ADAM17: variants seen among roughly 807,000 people sequenced by gnomAD.
ADAM17 encodes the protein ADAM metallopeptidase domain 17.
Under a neutral mutation model 96.7 loss-of-function variants are expected in ADAM17, and 39 were observed. The observed-to-expected ratio is 0.40, with a 90% CI of 0.31 to 0.53. ADAM17 has a LOEUF of 0.53. Among genes scored for constraint, ADAM17 ranks in the 20% least tolerant of loss-of-function variants. The pLI, the probability that ADAM17 is intolerant of heterozygous loss-of-function variation, is 0.44. For missense variants in ADAM17, 777 were observed against 1,013.2 expected, an observed-to-expected ratio of 0.77 and a Z score of 3.17; for synonymous variants, 344 against 359.2, an observed-to-expected ratio of 0.96 and a Z score of 0.48.
At chr2:9,548,505 A>T (rs1444586670) in intron 1 of ADAM17, among the ~76,000 whole-genome samples, 1 of 152,080 alleles carries the variant, frequency 6.6e-6, no homozygotes, top group African/African-American at 2.4e-5. Context: ...AAGAAAACAA[A>T]ACAAGAGAGG....
At chr2:9,534,144 G>A (rs1664861384) in intron 4 of ADAM17, among the ~76,000 whole-genome samples, 1 of 152,176 alleles carries the variant, frequency 6.6e-6, no homozygotes, top group Admixed American at 6.5e-5. Flanking sequence ...GCCGAGGCTG[G>A]CAGATCATGA....
Position 9,536,771 on chromosome 2 carries a change from G to C in ADAM17, c.288C>G (p.Val96=). The change falls in exon 3 of 19, where the codon GTC becomes GTG. Residue 96 remains valine (V), a synonymous_variant. Transcript: ENST00000310823. Reference sequence around the variant, plus strand: ...TTTCGTTTTTACCATCCACCACCACGACCTTGAAATTTTGTGAAAAACGTT... The same window carrying C: ...TTTCGTTTTTACCATCCACCACCACCACCTTGAAATTTTGTGAAAAACGTT... The part of the protein sequence containing the change: ...STERFSQNFK[V]VVVDGKNESE... The C allele has an allele frequency of 6.2e-7, 1 of 1,613,980 alleles. No homozygotes were observed. Among genetic ancestry groups the C allele is most frequent in the Non-Finnish European group, 8.5e-7 (1 of 1,179,960 alleles).
intron 11 of ADAM17, among the ~76,000 whole-genome samples, chr2:9,508,906 TAAAAC>T (rs891844628): frequency 6.7e-6 from 1 of 150,248 alleles, no homozygotes; most frequent in African/African-American, 2.5e-5. Context: ...AGAGGAAAAA[TAAAAC>T]ATAACATGCA....
intron 17 of ADAM17, among the ~76,000 whole-genome samples, chr2:9,491,404 CTA>C (rs1662136992): frequency 6.6e-6 from 1 of 152,144 alleles, no homozygotes. Flanking sequence ...GGTTTAAGTG[CTA>C]TGTTTTCTGA....
intron 8 of ADAM17, among the ~76,000 whole-genome samples, chr2:9,520,838 C>A (rs1164992363): frequency 6.6e-6 from 1 of 151,562 alleles, no homozygotes; most frequent in South Asian, 2.1e-4. Context: ...GTGGTGCATG[C>A]CTATAATCCT....
intron 18 of ADAM17, 115 bp from the exon 19 acceptor site, chr2:9,490,633 G>C: frequency 8.8e-7 from 1 of 1,142,550 alleles, no homozygotes; most frequent in Non-Finnish European, 1.2e-6. Context: ...GTGATGCTAA[G>C]AAAAAAGTGC....
intron 6 of ADAM17, 82 bp from the exon 7 acceptor site, chr2:9,523,420 G>GA (rs1353269577): frequency 1.9e-5 from 24 of 1,256,130 alleles, no homozygotes; most frequent in Middle Eastern, 3.8e-4. Flanking sequence ...TATGGGGAAA[G>GA]AAAAAATCTC....
At chr2:9,499,592 C>T (rs1300837996) in intron 13 of ADAM17, among the ~76,000 whole-genome samples, 2 of 152,098 alleles carry the variant, frequency 1.3e-5, no homozygotes, top group Non-Finnish European at 2.9e-5. Context: ...TTAGTAGACA[C>T]AGGGTTTCAC....
intron 17 of ADAM17, among the ~76,000 whole-genome samples, chr2:9,492,002 G>C (rs1037080515): frequency 6.6e-6 from 1 of 152,212 alleles, no homozygotes; most frequent in Non-Finnish European, 1.5e-5. Flanking sequence ...TTCAGCACAA[G>C]TGCTCCCTAG....
In ADAM17 at chr2:9,523,334, T is replaced by A; in HGVS notation, c.758A>T (p.Glu253Val). 4 of 1,610,200 alleles carry A rather than the reference T, an allele frequency of 2.5e-6. No homozygotes were observed. The highest frequency in any genetic ancestry group is 3.4e-6 in the Non-Finnish European group (4 of 1,177,240). The change falls in exon 7 of 19, where the codon GAG (glutamate) becomes GTG (valine). Residue 253 changes from glutamate to valine, a missense_variant. Around this residue, in one of 3 missense-constraint regions of ADAM17, gnomAD observed 446 missense variants for 664.7 expected, o/e 0.67. Coordinates refer to ENST00000310823, the MANE Select transcript of ADAM17 (RefSeq NM_003183.6). ...EESTTTNYLIELIDRVDDIYR... is the reference protein window; with the variant it reads ...EESTTTNYLIVLIDRVDDIYR... ...GATGTCATCAACTCTGTCAATTAGC[T>A]CTATCTGTGTGTATTTAAAAAAGAA...
At chr2:9,497,029 G>A (rs1016864443) in intron 14 of ADAM17, 85 bp downstream of exon 14, 20 of 1,551,812 alleles carry the variant, frequency 1.3e-5, no homozygotes, top group South Asian at 3.7e-5. Flanking sequence ...GCTGTCATTC[G>A]CACAACCTCC....
At chr2:9,513,682 G>C (rs1663868211) in intron 10 of ADAM17, among the ~76,000 whole-genome samples, 1 of 152,048 alleles carries the variant, frequency 6.6e-6, no homozygotes, top group Non-Finnish European at 1.5e-5. Context: ...GGAAAACACA[G>C]TTTGAGAGAT....
At chr2:9,531,360 G>A (rs970369818) in intron 4 of ADAM17, among the ~76,000 whole-genome samples, 1 of 151,484 alleles carries the variant, frequency 6.6e-6, no homozygotes, top group African/African-American at 2.4e-5. Context: ...AAGGTCAGAA[G>A]TTCAAGACCA....
chr2:9,551,031 C>A (rs535387017), intron 1 of ADAM17, among the ~76,000 whole-genome samples: 17 of 150,976 alleles, frequency 1.1e-4, no homozygotes, highest in African/African-American at 4.1e-4. Flanking sequence ...GCCAAGATTG[C>A]GCCACTGCGC....
At chr2:9,549,416 A>C (rs747064494) in intron 1 of ADAM17, among the ~76,000 whole-genome samples, 1 of 152,248 alleles carries the variant, frequency 6.6e-6, no homozygotes, top group Non-Finnish European at 1.5e-5. Context: ...TTTTGTGTGT[A>C]TATCAACATA....
intron 12 of ADAM17, among the ~76,000 whole-genome samples, chr2:9,503,394 C>T (rs1663145854): frequency 6.6e-6 from 1 of 152,178 alleles, no homozygotes; most frequent in South Asian, 2.1e-4. Flanking sequence ...AACCTACTTC[C>T]TCCACACTAT....
chr2:9,537,120 A>G (rs1020744924), intron 2 of ADAM17, among the ~76,000 whole-genome samples: 1 of 152,230 alleles, frequency 6.6e-6, no homozygotes, highest in African/African-American at 2.4e-5. Flanking sequence ...AAGGAAACAC[A>G]CATGACTGCG....
chr2:9,498,227 C>T (rs1662764722), intron 13 of ADAM17, among the ~76,000 whole-genome samples: 1 of 152,058 alleles, frequency 6.6e-6, no homozygotes, highest in Admixed American at 6.6e-5. Context: ...GAGACGAGAT[C>T]TCCCTGTGTT....
At chr2:9,509,771 A>T (rs899427504) in intron 11 of ADAM17, among the ~76,000 whole-genome samples, 1 of 152,226 alleles carries the variant, frequency 6.6e-6, no homozygotes, top group Non-Finnish European at 1.5e-5. Flanking sequence ...ATTAAGCTTG[A>T]CAACAAAGTC....
Sources: gnomAD v4.1 joint callset for allele counts (sites outside exome capture counted in the v4.1 genomes callset) on GRCh38, gnomAD v4.1.1 for gene constraint, gnomAD v4.1.1 regional missense constraint, MANE v1.5 for transcripts, NCBI Gene and HGNC (gene_info 2026-07-23, HGNC 2026-07-21) for gene names.